The following TOP1MT variants were observed in gnomAD, a reference collection of about 807,000 sequenced individuals.
The protein encoded by TOP1MT is DNA topoisomerase I mitochondrial.
A neutral mutation model predicts 73.9 loss-of-function variants in TOP1MT; 80 were observed. That is an observed-to-expected ratio of 1.08 (90% CI 0.90 to 1.30). The LOEUF (loss-of-function observed/expected upper bound fraction) is 1.30, where lower values mean the gene tolerates loss of function less well. Ranked by LOEUF, TOP1MT falls within the 50% of genes most tolerant of loss-of-function variation. The pLI is 0.00. For synonymous variants in TOP1MT, 338 were observed against 326.4 expected (o/e 1.04, Z -0.38); for missense variants, 815 against 808.0 (o/e 1.01, Z -0.10).
At chr8:143,352,658 A>T (rs970846275) in intron 1 of TOP1MT, among the ~76,000 whole-genome samples, 1 of 152,146 alleles carries the variant, frequency 6.6e-6, no homozygotes, top group Non-Finnish European at 1.5e-5. Flanking sequence ...GCCAGGTCTC[A>T]CTCTGTCACA....
chr8:143,315,995 C>G lies in TOP1MT; in HGVS notation c.1458+4G>C. On this transcript the variant is annotated splice_donor_region_variant and intron_variant, in intron 11 of 13. Transcript: ENST00000329245. The stretch of plus-strand genomic sequence containing the variant: ...GGGCTGGGGGCTCTCCTGGGAGCTG[C>G]TACCTTCGTCTGGAGATTCTGCATC... 1 of 1,614,168 alleles carries G rather than the reference C, an allele frequency of 6.2e-7. No homozygotes were observed.
chr8:143,346,950 CTTCT>C (rs756881820), upstream of TOP1MT, among the ~76,000 whole-genome samples: 4 of 138,286 alleles, frequency 2.9e-5, no homozygotes, highest in African/African-American at 1.1e-4. Flanking sequence ...AAAAGCCTCA[CTTCT>C]TTATTTATTT....
intron 6 of TOP1MT, 56 bp downstream of exon 6, chr8:143,324,429 G>A (rs548558202): frequency 1.3e-4 from 208 of 1,610,374 alleles, no homozygotes; most frequent in Middle Eastern, 8.3e-4. Flanking sequence ...CCTCCCTGCC[G>A]GCGTCCTCAG....
chr8:143,321,563 A>G (rs71513690), intron 7 of TOP1MT, among the ~76,000 whole-genome samples, 177 bp from the exon 8 acceptor site: 28,282 of 98,522 alleles, frequency 0.29, 5,809 homozygotes, highest in East Asian at 0.63. Context: ...CACGCCACAC[A>G]CACGCACGCC....
upstream of TOP1MT, among the ~76,000 whole-genome samples, chr8:143,356,794 A>AC (rs1194335427): frequency 7.3e-6 from 1 of 136,466 alleles, no homozygotes; most frequent in Non-Finnish European, 1.6e-5. Flanking sequence ...TCAAAAAAAA[A>AC]AAAAAAAAAA....
intron 12 of TOP1MT, 21 bp downstream of exon 12, chr8:143,315,706 T>C: frequency 2.5e-6 from 4 of 1,608,462 alleles, no homozygotes; most frequent in Non-Finnish European, 3.4e-6. Flanking sequence ...GGAGAAGGCG[T>C]CTGAGGGCAC....
At chr8:143,332,691 G>A (rs147251738) in intron 1 of TOP1MT, 26 of 644,426 alleles carry the variant, frequency 4.0e-5, no homozygotes, top group Non-Finnish European at 5.6e-5. Flanking sequence ...GTTAGAAGAC[G>A]TAGAGACGGA....
rs1462473497 is a variant in TOP1MT at position 143,321,297 on chromosome 8, C to T, written c.1050G>A (p.Leu350=). Residue 350 remains leucine (L), a synonymous_variant, in exon 8 of 14, where the codon CTG becomes CTA. Transcript: ENST00000329245. ...GTTGGCAGCCATCGGCCTCCGGGTG[C>T]AGCTGGACGTGCTCCACGCGGAGGG... The part of the protein sequence containing the change: ...CCSLRVEHVQ[L]HPEADGCQHV... The T allele has an allele frequency of 5.0e-6, 8 of 1,612,582 alleles. No homozygotes were observed. Among genetic ancestry groups the T allele is most frequent in the Non-Finnish European group, 6.8e-6 (8 of 1,179,222 alleles).
chr8:143,311,323 G>A (rs188306962), intron 12 of TOP1MT, among the ~76,000 whole-genome samples: 1 of 152,114 alleles, frequency 6.6e-6, no homozygotes, highest in Admixed American at 6.5e-5. Context: ...GAGGTCAGGG[G>A]TGAGTCACAG....
chr8:143,338,419 T>C (rs934143105), upstream of TOP1MT, among the ~76,000 whole-genome samples: 2 of 151,796 alleles, frequency 1.3e-5, no homozygotes, highest in Non-Finnish European at 2.9e-5. Context: ...AATTCAAAAT[T>C]AGCTAGGCGT....
At chr8:143,321,796 CCA>C (rs757417457) in intron 7 of TOP1MT, among the ~76,000 whole-genome samples, 1 of 39,582 alleles carries the variant, frequency 2.5e-5, no homozygotes, top group Non-Finnish European at 5.5e-5. Context: ...CACACGCACG[CCA>C]CACACGCACG....
intron 7 of TOP1MT, among the ~76,000 whole-genome samples, chr8:143,322,922 C>CAT (rs1491140241): frequency 2.1e-5 from 2 of 97,180 alleles, no homozygotes; most frequent in African/African-American, 3.9e-5. Flanking sequence ...ACGCCACACA[C>CAT]GCACGCCACA....
intron 8 of TOP1MT, among the ~76,000 whole-genome samples, chr8:143,319,293 ATT>A (rs34739112): frequency 2.7e-5 from 4 of 148,956 alleles, no homozygotes; most frequent in South Asian, 4.3e-4. Context: ...TAATTTTTTT[ATT>A]TTTTTTTTTA....
chr8:143,356,000 T>G (rs549060129), exon 1 of TOP1MT: 3 of 152,384 alleles, frequency 2.0e-5, no homozygotes, highest in Non-Finnish European at 4.4e-5. Flanking sequence ...GATTTTCTTT[T>G]GAAACGGAGA....
At chr8:143,321,083 C>T in intron 8 of TOP1MT, 118 bp downstream of exon 8, 1 of 1,082,146 alleles carries the variant, frequency 9.2e-7, no homozygotes, top group Non-Finnish European at 1.3e-6. Context: ...GCAGGCCTCA[C>T]CCAGCAGGCA....
chr8:143,354,617 C>T (rs1817376479), intron 1 of TOP1MT, among the ~76,000 whole-genome samples: 4 of 151,712 alleles, frequency 2.6e-5, no homozygotes, highest in African/African-American at 9.7e-5. Context: ...GAGGCTGAGG[C>T]AGGAGAATCG....
chr8:143,322,121 ACACACAGGCACGC>A lies in TOP1MT; in HGVS notation c.961-748_961-736del, dbSNP rs1465771984. Reference sequence around the variant, plus strand: ...CACGCACGCCACACATGCACGCCACACACACAGGCACGCCACACAGGCACGCCACACGCACGCC... The same window carrying A: ...CACGCACGCCACACATGCACGCCACACACACAGGCACGCCACACGCACGCC... On this transcript the variant is annotated intron_variant, in intron 7 of 13. Coordinates refer to ENST00000329245, the MANE Select transcript of TOP1MT (RefSeq NM_052963.3). Among the ~76,000 whole-genome samples, 287 of 51,344 alleles carry A rather than the reference ACACACAGGCACGC, an allele frequency of 5.6e-3. 16 individuals carry two copies. Among genetic ancestry groups the A allele is most frequent in the East Asian group, 0.017 (8 of 470 alleles). The allele number at this position is 51,344 out of a possible 152,430, so 33.7% of individuals were successfully genotyped here. A position where few individuals can be genotyped will look rare whatever the true frequency, so the allele number is the denominator to read the frequency against.
At chr8:143,357,755 C>T (rs751251944), upstream of TOP1MT, among the ~76,000 whole-genome samples, 1 of 152,080 alleles carries the variant, frequency 6.6e-6, no homozygotes, top group Non-Finnish European at 1.5e-5. Flanking sequence ...AATCACGTAT[C>T]TACTAAAAAT....
At chr8:143,330,452 G>A (rs1270315185) in intron 2 of TOP1MT, among the ~76,000 whole-genome samples, 2 of 152,120 alleles carry the variant, frequency 1.3e-5, no homozygotes, top group Non-Finnish European at 1.5e-5. Context: ...CTGTCCCTGT[G>A]GAAGCTCCAG....
Sources: allele counts gnomAD v4.1 joint callset (sites outside exome capture counted in the v4.1 genomes callset), GRCh38; gene constraint gnomAD v4.1.1; transcripts MANE v1.5; gene names NCBI Gene and HGNC (gene_info 2026-07-23, HGNC 2026-07-21).